Variants in THSD4 observed in about 807,000 individuals in gnomAD.
THSD4 encodes thrombospondin type-1 domain-containing protein 4.
A neutral mutation model predicts 119.0 loss-of-function variants in THSD4; 69 were observed. That is an observed-to-expected ratio of 0.58 (90% CI 0.48 to 0.71). The LOEUF is 0.71. Ranked by LOEUF, THSD4 falls within the 30% of genes least tolerant of loss-of-function variation. THSD4 has a pLI of 0.00. For synonymous variants in THSD4, 524 were observed against 540.4 expected, an observed-to-expected ratio of 0.97 and a Z score of 0.42; for missense variants, 1,393 against 1,391.1, an observed-to-expected ratio of 1.00 and a Z score of -0.02.
At chr15:71,599,085 C>T (rs540953314) in intron 7 of THSD4, among the ~76,000 whole-genome samples, 12 of 152,230 alleles carry the variant, frequency 7.9e-5, no homozygotes, top group Admixed American at 1.3e-4. Context: ...AAAGGTAGGA[C>T]CACTTGACAA....
chr15:71,183,848 A>G (rs969368298), intron 3 of THSD4: 1 of 151,812 alleles, frequency 6.6e-6, no homozygotes, highest in East Asian at 1.9e-4. Context: ...AGCAGCATCC[A>G]TGGTCTCTAC....
At chr15:71,335,472 T>C (rs938859347) in intron 6 of THSD4, among the ~76,000 whole-genome samples, 5 of 152,176 alleles carry the variant, frequency 3.3e-5, no homozygotes, top group African/African-American at 1.2e-4. Flanking sequence ...GACAAATATA[T>C]TTAATATGGT....
chr15:71,127,866 G>T (rs147100122), intron 1 of THSD4, among the ~76,000 whole-genome samples: 3 of 152,120 alleles, frequency 2.0e-5, no homozygotes, highest in Non-Finnish European at 2.9e-5. Context: ...TCTGTGGGTT[G>T]TCTCTTTACA....
At chr15:71,776,091 A>G (rs916700701) in intron 17 of THSD4, among the ~76,000 whole-genome samples, 1 of 152,254 alleles carries the variant, frequency 6.6e-6, no homozygotes, top group African/African-American at 2.4e-5. Flanking sequence ...TGGATTAGTC[A>G]AAAGAATGTG....
intron 5 of THSD4, among the ~76,000 whole-genome samples, chr15:71,251,410 C>T (rs1247960351): frequency 1.3e-5 from 2 of 152,172 alleles, no homozygotes; most frequent in Non-Finnish European, 2.9e-5. Flanking sequence ...CCCATAAAAA[C>T]CCCTGGGGAT....
intron 2 of THSD4, among the ~76,000 whole-genome samples, chr15:71,151,379 CTT>C (rs57878253): frequency 3.4e-5 from 5 of 144,980 alleles, no homozygotes; most frequent in Non-Finnish European, 6.1e-5. Flanking sequence ...GGAGCTGCAG[CTT>C]TTTTTTTTTT....
At chr15:71,301,144 C>T (rs1423917852) in intron 6 of THSD4, among the ~76,000 whole-genome samples, 1 of 152,074 alleles carries the variant, frequency 6.6e-6, no homozygotes, top group Non-Finnish European at 1.5e-5. Context: ...TGTTGTTCAG[C>T]AGAAATAGAG....
intron 6 of THSD4, among the ~76,000 whole-genome samples, chr15:71,287,367 C>T (rs2044731117): frequency 6.6e-6 from 1 of 152,134 alleles, no homozygotes; most frequent in African/African-American, 2.4e-5. Context: ...ATCTTATTAT[C>T]CCATGATGTT....
At chr15:71,282,966 ATTTTT>A (rs573742429) in intron 6 of THSD4, among the ~76,000 whole-genome samples, 4 of 131,014 alleles carry the variant, frequency 3.1e-5, no homozygotes, top group East Asian at 2.2e-4. Context: ...GGCAGGTTAG[ATTTTT>A]TTTTTTTTTT....
At chr15:71,157,512 T>C (rs936731228) in intron 3 of THSD4, among the ~76,000 whole-genome samples, 1 of 152,042 alleles carries the variant, frequency 6.6e-6, no homozygotes, top group Admixed American at 6.6e-5. Context: ...TACCTTACTG[T>C]TAACCATCAT....
chr15:71,743,971 C>T (rs1255148070), intron 11 of THSD4, among the ~76,000 whole-genome samples: 2 of 152,114 alleles, frequency 1.3e-5, no homozygotes, highest in Non-Finnish European at 2.9e-5. Context: ...GTGTTCTTCC[C>T]GGCAGGAGTT....
At chr15:71,289,503 A>T (rs2140323187) in intron 6 of THSD4, among the ~76,000 whole-genome samples, 1 of 152,230 alleles carries the variant, frequency 6.6e-6, no homozygotes, top group East Asian at 1.9e-4. Flanking sequence ...GCTTCAGGGA[A>T]CCCAGGCTGA....
intron 7 of THSD4, among the ~76,000 whole-genome samples, chr15:71,652,493 C>T (rs1035006539): frequency 6.6e-6 from 1 of 152,108 alleles, no homozygotes; most frequent in Non-Finnish European, 1.5e-5. Flanking sequence ...CATTTCAATC[C>T]ATGGAGGAGG....
intron 3 of THSD4, among the ~76,000 whole-genome samples, chr15:71,191,634 G>A (rs2043672188): frequency 6.6e-6 from 1 of 152,128 alleles, no homozygotes; most frequent in African/African-American, 2.4e-5. Context: ...CTGACTAGTG[G>A]TGGAACAGAA....
At chr15:71,250,530 G>A (rs551461979) in intron 5 of THSD4, among the ~76,000 whole-genome samples, 1 of 152,110 alleles carries the variant, frequency 6.6e-6, no homozygotes, top group East Asian at 1.9e-4. Flanking sequence ...TGTTGCCCAC[G>A]GTGGTCTTGA....
At chr15:71,589,961 G>A (rs2049763086) in intron 7 of THSD4, among the ~76,000 whole-genome samples, 1 of 139,556 alleles carries the variant, frequency 7.2e-6, no homozygotes. Context: ...AATTATAAAT[G>A]TACTATATCA....
At chr15:71,461,792 GTT>G (rs61134274) in intron 7 of THSD4, among the ~76,000 whole-genome samples, 1 of 144,408 alleles carries the variant, frequency 6.9e-6, no homozygotes, top group Admixed American at 6.9e-5. Flanking sequence ...GCACTGTCAG[GTT>G]TTTTTTTTTT....
chr15:71,389,589 T>C lies in THSD4; in HGVS notation c.1016-22098T>C, dbSNP rs148226696. ...TTTTGGTTACTGTGAATGATGTTCC[T>C]ATGAATGTGAGCGTATTCATATCTC... On this transcript the variant is annotated intron_variant, in intron 6 of 17. Transcript: ENST00000261862. Among the ~76,000 whole-genome samples, 449 of 152,238 alleles carry C rather than the reference T, an allele frequency of 2.9e-3. 2 individuals are homozygous for C. The highest frequency in any genetic ancestry group is 0.01 in the African/African-American group (430 of 41,542).
Position 71,468,322 on chromosome 15 carries a change from G to T in THSD4, c.1152+56499G>T, listed in dbSNP as rs2047528622. ...TCCTTTATAAATTACCCAGTCTCGGGTAGGTCTTTATTAGCAGCATGAGAA... is the reference window on the plus strand; with the variant it reads ...TCCTTTATAAATTACCCAGTCTCGGTTAGGTCTTTATTAGCAGCATGAGAA... On this transcript the variant is annotated intron_variant, in intron 7 of 17. Transcript: ENST00000261862. Among the ~76,000 whole-genome samples, 2 of 152,174 alleles carry T rather than the reference G, an allele frequency of 1.3e-5. 1 individual carries two copies. Among genetic ancestry groups the T allele is most frequent in the Non-Finnish European group, 2.9e-5 (2 of 68,044 alleles).
Sources: allele counts gnomAD v4.1 joint callset (sites outside exome capture counted in the v4.1 genomes callset), GRCh38; gene constraint gnomAD v4.1.1; transcripts MANE v1.5; gene names NCBI Gene and HGNC (gene_info 2026-07-23, HGNC 2026-07-21).